KDM2B: variants seen among roughly 807,000 people sequenced by gnomAD.
KDM2B encodes the protein lysine-specific demethylase 2B.
A neutral mutation model predicts 150.0 loss-of-function variants in KDM2B; 26 were observed. That is an observed-to-expected ratio of 0.17 (90% CI 0.13 to 0.24). KDM2B has a LOEUF of 0.24. Among genes scored for constraint, KDM2B ranks in the 10% least tolerant of loss-of-function variants. The probability of loss-of-function intolerance (pLI) is 1.00; values close to 1 mark genes in which losing one functional copy is unlikely to be tolerated. For missense variants in KDM2B, 1,265 were observed against 1,816.9 expected (o/e 0.70, Z 5.52); for synonymous variants, 734 against 729.5 (o/e 1.01, Z -0.10).
chr12:121,493,845 A>T (rs1407084317), intron 12 of KDM2B: 4 of 150,942 alleles, frequency 2.7e-5, no homozygotes, highest in Non-Finnish European at 5.9e-5. Flanking sequence ...TTGATTAGAC[A>T]TTTTTTTTTT....
chr12:121,559,030 T>TCAGGCCAGGGC (rs1555313290), intron 4 of KDM2B, among the ~76,000 whole-genome samples: 2 of 152,196 alleles, frequency 1.3e-5, no homozygotes, highest in African/African-American at 2.4e-5. Context: ...AGACTCCCAG[T>TCAGGCCAGGGC]CAGGCCAGGG....
intron 8 of KDM2B, among the ~76,000 whole-genome samples, chr12:121,529,380 G>A (rs1318697980): frequency 2.0e-5 from 3 of 152,218 alleles, no homozygotes; most frequent in Non-Finnish European, 4.4e-5. Flanking sequence ...TGAGGTCAGT[G>A]TGGCAGGAGG....
Position 121,467,110 on chromosome 12 carries a change from G to A in KDM2B, c.1735-13766C>T. ...CTCGGCGCGTCAGACAGGCGGTCGG[G>A]AGGTCGTGCGGCGGGTCCCTCCCTC... is the stretch of plus-strand genomic sequence containing the variant. On this transcript the variant is annotated intron_variant, in intron 12 of 22. Coordinates refer to ENST00000377071, the MANE Select transcript of KDM2B (RefSeq NM_032590.5). This position sits in a 1 kb window ranked among gnomAD's most constrained non-coding sequence, Gnocchi z 5.1. The A allele has an allele frequency of 9.3e-7, 1 of 1,075,746 alleles. No individual in the cohort carries two copies. The highest frequency in any genetic ancestry group is 1.2e-6 in the Non-Finnish European group (1 of 859,570). 66.6% of individuals were successfully genotyped at this position (1,075,746 alleles called of 1,614,324 possible). A position where few individuals can be genotyped will look rare whatever the true frequency, so the allele number is the denominator to read the frequency against.
chr12:121,549,667 TC>T lies in KDM2B; in HGVS notation c.398-30del. 1 of 1,531,216 alleles carries T rather than the reference TC, an allele frequency of 6.5e-7. No homozygotes were observed. The highest frequency in any genetic ancestry group is 8.8e-7 in the Non-Finnish European group (1 of 1,131,338). 94.9% of individuals were successfully genotyped at this position (1,531,216 alleles called of 1,614,324 possible). A position where few individuals can be genotyped will look rare whatever the true frequency, so the allele number is the denominator to read the frequency against. On this transcript the variant is annotated intron_variant, in intron 4 of 22. Coordinates refer to ENST00000377071, the MANE Select transcript of KDM2B (RefSeq NM_032590.5). The surrounding 1 kb of genome is among the most constrained non-coding windows in gnomAD (Gnocchi z 4.4). ...GAGGCAGAAGCCACACACTGGTTGTTCCTGCCGGCTTAAGGCTCCAGATCCT... is the reference window on the plus strand; with the variant it reads ...GAGGCAGAAGCCACACACTGGTTGTTCTGCCGGCTTAAGGCTCCAGATCCT...
At chr12:121,550,254 G>A (rs1555311600) in intron 4 of KDM2B, among the ~76,000 whole-genome samples, 1 of 151,506 alleles carries the variant, frequency 6.6e-6, no homozygotes, top group Non-Finnish European at 1.5e-5. Context: ...AGGTTGCAGT[G>A]AGCTGAGATG....
intron 6 of KDM2B, among the ~76,000 whole-genome samples, chr12:121,547,650 T>G (rs1555310953): frequency 6.9e-6 from 1 of 145,268 alleles, no homozygotes; most frequent in Non-Finnish European, 1.5e-5. Context: ...CCTTCCTTTT[T>G]TTTTTTTTTT....
At chr12:121,482,615 T>C (rs533553013) in intron 12 of KDM2B, among the ~76,000 whole-genome samples, 1 of 152,300 alleles carries the variant, frequency 6.6e-6, no homozygotes, top group Admixed American at 6.5e-5. Context: ...AGTACTCTTC[T>C]AATGAGCATT....
chr12:121,515,675 C>A (rs1359318245), intron 9 of KDM2B, among the ~76,000 whole-genome samples: 3 of 151,834 alleles, frequency 2.0e-5, no homozygotes, highest in Non-Finnish European at 4.4e-5. Flanking sequence ...AAGTGCCCGT[C>A]TGGAAAAGGC....
Position 121,453,702 on chromosome 12 carries a change from G to A in KDM2B, c.1735-358C>T, listed in dbSNP as rs2138808607. 6.6e-6 allele frequency among the ~76,000 whole-genome samples: 1 copy of A among 152,250 alleles called. No individual in the cohort carries two copies. The highest frequency in any genetic ancestry group is 1.5e-5 in the Non-Finnish European group (1 of 68,018). The stretch of plus-strand genomic sequence containing the variant: ...CCAAGGATGGCAGCACATACCAGGA[G>A]CTGGAGGCGCGGGGAAGGACCCTCC... On this transcript the variant is annotated intron_variant, in intron 12 of 22. Coordinates refer to ENST00000377071, the MANE Select transcript of KDM2B (RefSeq NM_032590.5). This position sits in a 1 kb window ranked among gnomAD's most constrained non-coding sequence, Gnocchi z 6.4.
At chr12:121,578,220 G>A (rs1324657594) in intron 2 of KDM2B, among the ~76,000 whole-genome samples, 2 of 152,226 alleles carry the variant, frequency 1.3e-5, no homozygotes, top group Non-Finnish European at 2.9e-5. Context: ...CAGCTTCAGG[G>A]CTCATGGGGT....
At position 121,453,744 on chromosome 12, in the gene KDM2B, C is replaced by G. The variant is rs181618932; in HGVS notation, c.1735-400G>C. On this transcript the variant is annotated intron_variant, in intron 12 of 22. Coordinates refer to ENST00000377071, the MANE Select transcript of KDM2B (RefSeq NM_032590.5). This position sits in a 1 kb window ranked among gnomAD's most constrained non-coding sequence, Gnocchi z 6.4. ...GGACCCTCCCCTAGAGCCCGCAGAG[C>G]CAGCCCGGCCCGCCAGCCCACACCT... Among the ~76,000 whole-genome samples the G allele has an allele frequency of 1.6e-4, 24 of 152,290 alleles. No individual in the cohort carries two copies. Among genetic ancestry groups the G allele is most frequent in the Non-Finnish European group, 2.8e-4 (19 of 68,026 alleles).
intron 12 of KDM2B, among the ~76,000 whole-genome samples, chr12:121,482,369 C>T (rs1321391914): frequency 6.6e-6 from 1 of 152,070 alleles, no homozygotes; most frequent in Non-Finnish European, 1.5e-5. Context: ...CAGGAGCTAT[C>T]TTGGCTCACT....
Position 121,442,365 on chromosome 12 carries a change from G to T in KDM2B, c.3076C>A (p.Pro1026Thr). The T allele has an allele frequency of 1.9e-6, 3 of 1,567,758 alleles. No individual in the cohort carries two copies. Among genetic ancestry groups the T allele is most frequent in the Non-Finnish European group, 1.7e-6 (2 of 1,149,306 alleles). ...TTGGGCGGGGACACGGAGGGTGGGG[G>T]CCGGGAGATGACACGGGGCGGGCTG... ...LRSPPRVISRPPPSVSPPKCI... is the reference protein window; with the variant it reads ...LRSPPRVISRTPPSVSPPKCI... Residue 1026 changes from proline to threonine, a missense_variant, in exon 19 of 23, where the codon CCC (proline) becomes ACC (threonine). By Grantham distance (38) the Pro-to-Thr change is conservative. Around this residue, in one of 11 missense-constraint regions of KDM2B, gnomAD observed 418 missense variants for 402.4 expected, o/e 1.04. Coordinates refer to ENST00000377071, the MANE Select transcript of KDM2B (RefSeq NM_032590.5). The surrounding 1 kb of genome is among the most constrained non-coding windows in gnomAD (Gnocchi z 7.7).
intron 6 of KDM2B, among the ~76,000 whole-genome samples, chr12:121,541,870 A>G (rs1888639050): frequency 6.6e-6 from 1 of 152,110 alleles, no homozygotes; most frequent in Non-Finnish European, 1.5e-5. Context: ...TCACTAATCC[A>G]CTTCTGGAAT....
At chr12:121,485,636 T>G (rs1593912691) in intron 12 of KDM2B, among the ~76,000 whole-genome samples, 2 of 148,578 alleles carry the variant, frequency 1.3e-5, no homozygotes, top group Admixed American at 6.7e-5. Flanking sequence ...GAACGGGGGG[T>G]GAGTGTTAAA....
At chr12:121,421,670 TA>T in the KDM2B span, among the ~76,000 whole-genome samples, 1 of 152,348 alleles carries the variant, frequency 6.6e-6, no homozygotes, top group African/African-American at 2.4e-5. Flanking sequence ...CAGTTGTATT[TA>T]TTTTTTTCTT....
chr12:121,557,131 T>C (rs1417398502), intron 4 of KDM2B, among the ~76,000 whole-genome samples: 1 of 151,870 alleles, frequency 6.6e-6, no homozygotes, highest in Non-Finnish European at 1.5e-5. Flanking sequence ...CCCCAAAATA[T>C]ATGTTCAGTC....
At chr12:121,417,935 C>T in the KDM2B span, 7 of 1,605,106 alleles carry the variant, frequency 4.4e-6, no homozygotes, top group Non-Finnish European at 6.0e-6. This position sits in a 1 kb window ranked among gnomAD's most constrained non-coding sequence, Gnocchi z 5.0. Flanking sequence ...ACTAATTACA[C>T]CCAGGGCCCG....
At chr12:121,448,936 T>G (rs1004157721) in intron 13 of KDM2B, among the ~76,000 whole-genome samples, 3 of 152,242 alleles carry the variant, frequency 2.0e-5, no homozygotes, top group Admixed American at 6.5e-5. Flanking sequence ...TCTGGAGGAC[T>G]TGGAGGACAG....
Sources: allele counts gnomAD v4.1 joint callset (sites outside exome capture counted in the v4.1 genomes callset), GRCh38; gene constraint gnomAD v4.1.1; regional missense constraint gnomAD v4.1.1; non-coding constraint Gnocchi (gnomAD v3.1); transcripts MANE v1.5; gene names NCBI Gene and HGNC (gene_info 2026-07-23, HGNC 2026-07-21).